Variants in DAB1 observed in about 807,000 individuals in gnomAD.
DAB1 encodes DAB adaptor protein 1, also known as disabled homolog 1.
A neutral mutation model predicts 64.6 loss-of-function variants in DAB1; 15 were observed. The ratio of observed to expected loss-of-function variants is 0.23; its 90% CI spans 0.16 to 0.36. DAB1 has a LOEUF of 0.36. Among genes scored for constraint, DAB1 ranks in the 10% least tolerant of loss-of-function variants. The pLI, the probability that DAB1 is intolerant of heterozygous loss-of-function variation, is 1.00. For synonymous variants in DAB1, 235 were observed against 251.9 expected (o/e 0.93, Z 0.64); for missense variants, 596 against 706.7 (o/e 0.84, Z 1.78).
intron 4 of DAB1, among the ~76,000 whole-genome samples, chr1:58,263,304 T>C (rs1237978302): frequency 1.3e-5 from 2 of 152,240 alleles, no homozygotes; most frequent in African/African-American, 4.8e-5. Context: ...GAATCATTAC[T>C]ACAAGCCAGA....
chr1:58,333,316 TA>T (rs747027860), intron 4 of DAB1, among the ~76,000 whole-genome samples: 24 of 151,680 alleles, frequency 1.6e-4, no homozygotes, highest in Non-Finnish European at 2.8e-4. Context: ...GTAGACCATA[TA>T]GGGGCAGTAG....
At chr1:57,768,834 A>C (rs1188443893) in intron 6 of DAB1, among the ~76,000 whole-genome samples, 1 of 152,140 alleles carries the variant, frequency 6.6e-6, no homozygotes, top group Non-Finnish European at 1.5e-5. Flanking sequence ...GATTTTACTT[A>C]ATATTTCATA....
chr1:57,399,195 T>A (rs969817748), intron 1 of DAB1, among the ~76,000 whole-genome samples: 6 of 152,170 alleles, frequency 3.9e-5, no homozygotes, highest in Non-Finnish European at 5.9e-5. Context: ...CAACTGGTTT[T>A]TAGTGTGAGG....
intron 2 of DAB1, among the ~76,000 whole-genome samples, chr1:57,185,980 G>T (rs551099828): frequency 1.1e-4 from 17 of 152,028 alleles, no homozygotes; most frequent in Non-Finnish European, 2.5e-4. Flanking sequence ...TCACAGCCAC[G>T]AAATCACTGT....
intron 6 of DAB1, among the ~76,000 whole-genome samples, chr1:57,781,713 G>GAAAAAAAAAAAAA (rs3081035): frequency 7.4e-6 from 1 of 135,658 alleles, no homozygotes; most frequent in Non-Finnish European, 1.6e-5. Flanking sequence ...AAGCAATTGA[G>GAAAAAAAAAAAAA]AAAAAAAAAA....
chr1:57,629,958 A>G (rs1478810599), intron 7 of DAB1, among the ~76,000 whole-genome samples: 1 of 152,186 alleles, frequency 6.6e-6, no homozygotes, highest in Non-Finnish European at 1.5e-5. Flanking sequence ...TAAAAAAATC[A>G]GTTCTGTGTT....
chr1:57,537,686 A>T (rs1161637468), intron 7 of DAB1, among the ~76,000 whole-genome samples: 1 of 152,096 alleles, frequency 6.6e-6, no homozygotes, highest in Non-Finnish European at 1.5e-5. Flanking sequence ...TCTTCATTAG[A>T]CTGTAAGTTC....
At chr1:57,500,004 A>C (rs1195428708) in intron 7 of DAB1, among the ~76,000 whole-genome samples, 1 of 152,218 alleles carries the variant, frequency 6.6e-6, no homozygotes, top group Non-Finnish European at 1.5e-5. Flanking sequence ...TGTGGAGGAC[A>C]TTTAGGGCAA....
chr1:57,949,383 G>GC (rs1645232707), intron 5 of DAB1, among the ~76,000 whole-genome samples: 1 of 152,154 alleles, frequency 6.6e-6, no homozygotes, highest in African/African-American at 2.4e-5. Context: ...CTGCTGGGCA[G>GC]CCCAGTTTAT....
At chr1:57,026,624 C>T (rs1196946770) in intron 9 of DAB1, among the ~76,000 whole-genome samples, 1 of 152,164 alleles carries the variant, frequency 6.6e-6, no homozygotes, top group Non-Finnish European at 1.5e-5. Context: ...AGTCAAACAG[C>T]ACTCTCTGAA....
chr1:58,456,197 C>T (rs568521545), intron 3 of DAB1, among the ~76,000 whole-genome samples: 1 of 152,232 alleles, frequency 6.6e-6, no homozygotes, highest in East Asian at 1.9e-4. Context: ...GGGAGAGCAA[C>T]TGATTTCAAA....
intron 4 of DAB1, among the ~76,000 whole-genome samples, chr1:58,325,403 ACCT>A (rs1176485752): frequency 2.0e-5 from 3 of 152,152 alleles, no homozygotes; most frequent in African/African-American, 7.2e-5. Context: ...GAACCTCCTT[ACCT>A]CTCTAAACCA....
chr1:57,070,353 C>T (rs1459024539), intron 7 of DAB1, among the ~76,000 whole-genome samples: 1 of 152,184 alleles, frequency 6.6e-6, no homozygotes, highest in Non-Finnish European at 1.5e-5. Context: ...GAGGGAGAGG[C>T]TGTCTTTTCC....
At chr1:57,771,549 T>C (rs1425392810) in intron 6 of DAB1, among the ~76,000 whole-genome samples, 1 of 152,144 alleles carries the variant, frequency 6.6e-6, no homozygotes, top group East Asian at 1.9e-4. Context: ...TTCACTCCAA[T>C]AACAGATGGT....
chr1:57,765,142 T>A (rs1395441784), intron 6 of DAB1, among the ~76,000 whole-genome samples: 2 of 152,152 alleles, frequency 1.3e-5, no homozygotes, highest in African/African-American at 4.8e-5. Context: ...TGAAAAGGAC[T>A]ATGAACCATG....
chr1:57,918,787 G>A (rs2102019737), intron 5 of DAB1, among the ~76,000 whole-genome samples: 1 of 152,018 alleles, frequency 6.6e-6, no homozygotes, highest in African/African-American at 2.4e-5. Context: ...TCATGCGACT[G>A]CACTCCAGCC....
At chr1:58,187,285 C>T (rs1204634253) in intron 4 of DAB1, among the ~76,000 whole-genome samples, 4 of 147,974 alleles carry the variant, frequency 2.7e-5, no homozygotes, top group African/African-American at 1.0e-4. Flanking sequence ...AAAGGAAGAC[C>T]TTAACTCTAC....
At position 57,545,253 on chromosome 1, in the gene DAB1, C is replaced by G. The variant is rs558317596; in HGVS notation, n.625+104339G>C. 5.9e-5 allele frequency among the ~76,000 whole-genome samples: 9 copies of G among 152,326 alleles called. No homozygotes were observed. In the South Asian group the frequency reaches 1.7e-3, roughly 28 times the overall value. On this transcript the variant is annotated intron_variant and non_coding_transcript_variant, in intron 7 of 20. Transcript: ENST00000485760. Reference sequence around the variant, plus strand: ...CCCAATCTAATACAGATCACTGACCCAAGCCCCAGCACTCCAGTTCTTTTC... The same window carrying G: ...CCCAATCTAATACAGATCACTGACCGAAGCCCCAGCACTCCAGTTCTTTTC...
intron 3 of DAB1, among the ~76,000 whole-genome samples, chr1:58,377,719 G>A (rs1294226178): frequency 2.2e-5 from 3 of 138,518 alleles, no homozygotes; most frequent in African/African-American, 5.6e-5. Flanking sequence ...GAATCTGAAC[G>A]TTGGCCTGCC....
Sources: gnomAD v4.1 joint callset for allele counts (sites outside exome capture counted in the v4.1 genomes callset) on GRCh38, gnomAD v4.1.1 for gene constraint, MANE v1.5 for transcripts, NCBI Gene and HGNC (gene_info 2026-07-23, HGNC 2026-07-21) for gene names.